Variants in ELP2 observed in about 807,000 individuals in gnomAD.
ELP2 encodes elongator complex protein 2.
Under a neutral mutation model 119.2 loss-of-function variants are expected in ELP2, and 90 were observed. The ratio of observed to expected loss-of-function variants is 0.75; its 90% CI spans 0.64 to 0.90. The LOEUF (loss-of-function observed/expected upper bound fraction) is 0.90, where lower values mean the gene tolerates loss of function less well. ELP2 is among the 40% of genes least tolerant of loss of function. The pLI, the probability that ELP2 is intolerant of heterozygous loss-of-function variation, is 0.00. For missense variants in ELP2, 921 were observed against 967.8 expected (o/e 0.95, Z 0.64); for synonymous variants, 339 against 331.0 (o/e 1.02, Z -0.26).
intron 1 of ELP2, among the ~76,000 whole-genome samples, chr18:36,132,865 A>G (rs966164275): frequency 1.3e-5 from 2 of 151,598 alleles, no homozygotes; most frequent in African/African-American, 4.9e-5. Flanking sequence ...TGGTGCAAGC[A>G]TAGTAGGCCT....
chr18:36,133,809 C>T (rs1286538593), intron 2 of ELP2, among the ~76,000 whole-genome samples: 2 of 150,264 alleles, frequency 1.3e-5, no homozygotes, highest in Non-Finnish European at 3.0e-5. Flanking sequence ...ACTTGTTGCC[C>T]AAGCTGGAAT....
At chr18:36,174,413 G>T in intron 21 of ELP2, 72 bp from the exon 22 acceptor site, 1 of 1,454,298 alleles carries the variant, frequency 6.9e-7, no homozygotes, top group South Asian at 1.2e-5. Context: ...TCAATTTTCA[G>T]GTTTTAACTT....
At chr18:36,141,025 G>T in intron 5 of ELP2, 112 bp from the exon 6 acceptor site, 1 of 851,426 alleles carries the variant, frequency 1.2e-6, no homozygotes, top group East Asian at 2.4e-5. Context: ...GTAGTGGTGT[G>T]GGAAATTGAA....
chr18:36,146,705 TC>T (rs1317972588), intron 11 of ELP2, among the ~76,000 whole-genome samples: 2 of 152,182 alleles, frequency 1.3e-5, no homozygotes, highest in Non-Finnish European at 2.9e-5. Context: ...TGAATGTCAG[TC>T]ATTTATTGTG....
chr18:36,138,049 A>G (rs1029360410), intron 3 of ELP2: 14 of 517,716 alleles, frequency 2.7e-5, no homozygotes, highest in East Asian at 6.9e-5. Flanking sequence ...CAGAATACCT[A>G]TTGTCTCCTC....
rs1191465631 is a variant in ELP2, at chr18:36,136,299, T to C, written c.218-8T>C. 14 of 1,605,146 alleles carry C rather than the reference T, an allele frequency of 8.7e-6. No homozygotes were observed. Among genetic ancestry groups the C allele is most frequent in the Non-Finnish European group, 1.0e-5 (12 of 1,172,000 alleles). On this transcript the variant is annotated splice_polypyrimidine_tract_variant and splice_region_variant and intron_variant, in intron 2 of 21. Coordinates refer to ENST00000358232, the MANE Select transcript of ELP2 (RefSeq NM_018255.4). ...TAAAGATATTTACTGAGATATAATT[T>C]TTTTCAGCCCCTTCTACTGAATTAG...
intron 12 of ELP2, among the ~76,000 whole-genome samples, chr18:36,155,680 A>C (rs936832754): frequency 6.6e-6 from 1 of 152,204 alleles, no homozygotes; most frequent in Non-Finnish European, 1.5e-5. Context: ...CTAAGACTAC[A>C]GGTGTGAGCC....
At chr18:36,172,481 G>A (rs1044605111) in intron 21 of ELP2, among the ~76,000 whole-genome samples, 7 of 152,168 alleles carry the variant, frequency 4.6e-5, no homozygotes, top group Non-Finnish European at 1.0e-4. Flanking sequence ...TGTCAGCCAA[G>A]CATGTTAGTG....
intron 19 of ELP2, among the ~76,000 whole-genome samples, chr18:36,169,156 C>G (rs1159258833): frequency 6.6e-6 from 1 of 151,536 alleles, no homozygotes; most frequent in African/African-American, 2.4e-5. Context: ...GAACTCCTGG[C>G]CTCAAGCAGT....
At chr18:36,145,743 G>C (rs1165642622) in intron 9 of ELP2, among the ~76,000 whole-genome samples, 1 of 152,148 alleles carries the variant, frequency 6.6e-6, no homozygotes, top group East Asian at 1.9e-4. Flanking sequence ...TTTATTGCAC[G>C]GTAGTAGTCT....
chr18:36,161,090 A>C, intron 17 of ELP2, 86 bp downstream of exon 17: 1 of 959,164 alleles, frequency 1.0e-6, no homozygotes, highest in South Asian at 1.3e-5. Flanking sequence ...TTTAGGCAGA[A>C]CTCTACGTGA....
At position 36,177,237 on chromosome 18, in the gene ELP2, G is replaced by A. The variant is rs1274328348; in HGVS notation, c.*2596G>A. 1 of 152,128 alleles carries A rather than the reference G, an allele frequency of 6.6e-6. No individual in the cohort carries two copies. The highest frequency in any genetic ancestry group is 1.5e-5 in the Non-Finnish European group (1 of 68,022). 9.4% of individuals were successfully genotyped at this position (152,128 alleles called of 1,614,324 possible). A position where few individuals can be genotyped will look rare whatever the true frequency, so the allele number is the denominator to read the frequency against. On this transcript the variant is annotated 3_prime_UTR_variant, in exon 22 of 22. Transcript: ENST00000358232. The stretch of plus-strand genomic sequence containing the variant: ...ACTCACGGCACCATTATTCACAGTA[G>A]CTAAGAGATGGAAGCAATATGTGCC...
chr18:36,153,191 G>A (rs2090457033), intron 11 of ELP2, among the ~76,000 whole-genome samples: 1 of 152,072 alleles, frequency 6.6e-6, no homozygotes, highest in Non-Finnish European at 1.5e-5. Flanking sequence ...TTTTTAGTTT[G>A]CATTTCCTTA....
chr18:36,179,993 A>G lies in ELP2; in HGVS notation c.*5352A>G, dbSNP rs2091300935. The G allele has an allele frequency of 6.6e-6, 1 of 152,138 alleles. No homozygotes were observed. The highest frequency in any genetic ancestry group is 6.5e-5 in the Admixed American group (1 of 15,278). The allele number at this position is 152,138 out of a possible 1,614,324, so 9.4% of individuals were successfully genotyped here. A position where few individuals can be genotyped will look rare whatever the true frequency, so the allele number is the denominator to read the frequency against. ...CAACTGTGTGTGAAAAAAAATTGTA[A>G]AATTTTCTTTCTGGTTTACGCAAGT... On this transcript the variant is annotated 3_prime_UTR_variant, in exon 22 of 22. Transcript: ENST00000358232.
rs1440031588 is a variant in ELP2 at position 36,176,397 on chromosome 18, A to G, written c.*1756A>G. The G allele has an allele frequency of 6.6e-6, 1 of 152,198 alleles. No individual in the cohort carries two copies. The highest frequency in any genetic ancestry group is 1.5e-5 in the Non-Finnish European group (1 of 68,038). 9.4% of individuals were successfully genotyped at this position (152,198 alleles called of 1,614,324 possible). A position where few individuals can be genotyped will look rare whatever the true frequency, so the allele number is the denominator to read the frequency against. On this transcript the variant is annotated 3_prime_UTR_variant, in exon 22 of 22. Coordinates refer to ENST00000358232, the MANE Select transcript of ELP2 (RefSeq NM_018255.4). ...TATCAGCTGAGGAATCTTTACCCAC[A>G]TTGACACATGGGCTTGTTCTGACCC...
At chr18:36,163,481 A>G (rs545115828) in intron 17 of ELP2, among the ~76,000 whole-genome samples, 2 of 147,032 alleles carry the variant, frequency 1.4e-5, no homozygotes, top group South Asian at 2.2e-4. Flanking sequence ...CAGTTTATCA[A>G]TTTTTTTTTT....
At position 36,177,597 on chromosome 18, in the gene ELP2, T is replaced by C. The variant is rs1363872797; in HGVS notation, c.*2956T>C. On this transcript the variant is annotated 3_prime_UTR_variant, in exon 22 of 22. Coordinates refer to ENST00000358232, the MANE Select transcript of ELP2 (RefSeq NM_018255.4). ...TTGCACAGTTAAGTTATGTGAATGC[T>C]GTATGCCAACTCAACTGTACACTCT... The C allele has an allele frequency of 6.6e-6, 1 of 152,232 alleles. No individual in the cohort carries two copies. Among genetic ancestry groups the C allele is most frequent in the Non-Finnish European group, 1.5e-5 (1 of 68,040 alleles). The allele number at this position is 152,232 out of a possible 1,614,324, so 9.4% of individuals were successfully genotyped here. A position where few individuals can be genotyped will look rare whatever the true frequency, so the allele number is the denominator to read the frequency against.
At chr18:36,152,055 C>T (rs545446713) in intron 11 of ELP2, among the ~76,000 whole-genome samples, 5 of 151,764 alleles carry the variant, frequency 3.3e-5, no homozygotes, top group Admixed American at 1.3e-4. Context: ...CCAGCCAGTT[C>T]TGGTTTTTTA....
In ELP2 at chr18:36,177,280, T is replaced by C. The variant is rs973306099; in HGVS notation, c.*2639T>C. On this transcript the variant is annotated 3_prime_UTR_variant, in exon 22 of 22. Coordinates refer to ENST00000358232, the MANE Select transcript of ELP2 (RefSeq NM_018255.4). ...TATGTGCCCATCAGTGGGTGAATGA[T>C]CAACAAAATGTGGTATATTCATACA... 7.2e-5 allele frequency: 11 copies of C among 152,194 alleles called. No individual in the cohort carries two copies. The highest frequency in any genetic ancestry group is 2.2e-4 in the African/African-American group (9 of 41,442). The allele number at this position is 152,194 out of a possible 1,614,324, so 9.4% of individuals were successfully genotyped here.
Sources: gnomAD v4.1 joint callset for allele counts (sites outside exome capture counted in the v4.1 genomes callset) on GRCh38, gnomAD v4.1.1 for gene constraint, MANE v1.5 for transcripts, NCBI Gene and HGNC (gene_info 2026-07-23, HGNC 2026-07-21) for gene names.